Variants in KRT73 observed in about 807,000 individuals in gnomAD.
KRT73 encodes the protein keratin, type II cytoskeletal 73.
Under a neutral mutation model 47.2 loss-of-function variants are expected in KRT73, and 44 were observed. That is an observed-to-expected ratio of 0.93 (90% CI 0.73 to 1.20). The LOEUF is 1.20. Ranked by LOEUF, KRT73 falls within the 50% of genes most tolerant of loss-of-function variation. The probability of loss-of-function intolerance (pLI) is 0.00; values close to 1 mark genes in which losing one functional copy is unlikely to be tolerated. For synonymous variants in KRT73, 285 were observed against 291.3 expected (o/e 0.98, Z 0.22); for missense variants, 713 against 704.5 (o/e 1.01, Z -0.14).
intron 1 of KRT73, among the ~76,000 whole-genome samples, chr12:52,617,164 T>C (rs1940831516): frequency 6.6e-6 from 1 of 152,142 alleles, no homozygotes; most frequent in Non-Finnish European, 1.5e-5. Context: ...TCTCCCTAGA[T>C]TGCCTTTTCC....
intron 8 of KRT73, 133 bp from the exon 9 acceptor site, chr12:52,608,585 CTTGG>C: frequency 2.5e-6 from 2 of 802,270 alleles, no homozygotes; most frequent in African/African-American, 1.8e-5. Context: ...CAACCATGAA[CTTGG>C]GTTCATTTGA....
chr12:52,608,841 T>C (rs1012744556), intron 8 of KRT73, among the ~76,000 whole-genome samples: 1 of 152,224 alleles, frequency 6.6e-6, no homozygotes, highest in Non-Finnish European at 1.5e-5. Context: ...AGAAAGAGAC[T>C]GCCAAACCCT....
intron 5 of KRT73, among the ~76,000 whole-genome samples, chr12:52,612,181 A>G (rs656185): frequency 0.051 from 7,723 of 152,296 alleles, 492 homozygotes; most frequent in Admixed American, 0.16. Flanking sequence ...GCCCACAGGC[A>G]GCTTTCCAGG....
At chr12:52,620,942 T>A (rs1335599652), upstream of KRT73, among the ~76,000 whole-genome samples, 1 of 151,866 alleles carries the variant, frequency 6.6e-6, no homozygotes, top group Non-Finnish European at 1.5e-5. Flanking sequence ...AAGATCCAGG[T>A]CCTATCCTCC....
chr12:52,630,275 G>A, the KRT73 span, among the ~76,000 whole-genome samples: 1 of 152,162 alleles, frequency 6.6e-6, no homozygotes, highest in East Asian at 1.9e-4. Flanking sequence ...CTGCCACGAC[G>A]GAGTGCAGTG....
chr12:52,611,514 G>A (rs193271337), intron 5 of KRT73, 185 bp from the exon 6 acceptor site: 56 of 638,014 alleles, frequency 8.8e-5, no homozygotes, highest in Admixed American at 5.3e-4. Flanking sequence ...CTTAAGCACA[G>A]CTGATCTCAT....
At chr12:52,625,776 T>C in the KRT73 span, among the ~76,000 whole-genome samples, 1 of 152,120 alleles carries the variant, frequency 6.6e-6, no homozygotes, top group East Asian at 1.9e-4. Context: ...ATTCATGTCA[T>C]AGAGTACTAC....
chr12:52,624,313 T>G, the KRT73 span, among the ~76,000 whole-genome samples: 4 of 152,086 alleles, frequency 2.6e-5, no homozygotes, highest in Non-Finnish European at 4.4e-5. Context: ...ACAATTATAG[T>G]TAAGGACTCC....
chr12:52,625,858 TA>T, the KRT73 span, among the ~76,000 whole-genome samples: 512 of 149,546 alleles, frequency 3.4e-3, 23 homozygotes, highest in South Asian at 0.077. Flanking sequence ...TTATACTGAG[TA>T]AAAAAAAAAA....
chr12:52,616,302 T>A lies in KRT73; in HGVS notation c.526A>T (p.Lys176Ter), dbSNP rs376710040. ...TCAAGGATGGGCTCCAGGTTATTCTTGCAGTTGTTCAGGTCCAGCTGCTGT... is the reference window on the plus strand; with the variant it reads ...TCAAGGATGGGCTCCAGGTTATTCTAGCAGTTGTTCAGGTCCAGCTGCTGT... ...LLQQLDLNNC[K>*]NNLEPILEGY... Residue 176 changes from lysine (K) to a stop codon, truncating the protein, a stop_gained, in exon 2 of 9, where the codon AAG (lysine) becomes TAG (stop). Transcript: ENST00000305748. LOFTEE classifies it high-confidence loss of function. 6 of 1,614,094 alleles carry A rather than the reference T, an allele frequency of 3.7e-6. No homozygotes were observed. The highest frequency in any genetic ancestry group is 5.1e-6 in the Non-Finnish European group (6 of 1,180,048).
chr12:52,613,520 C>T (rs1940745369), intron 5 of KRT73, 168 bp downstream of exon 5: 2 of 1,328,220 alleles, frequency 1.5e-6, no homozygotes, highest in Admixed American at 2.8e-5. Context: ...AAGTGGGTGC[C>T]AAGGACAGAG....
At position 52,613,458 on chromosome 12, in the gene KRT73, C is replaced by T. The variant is rs1940743703; in HGVS notation, c.984+230G>A. ...TTCCTCAGTCTGGACTCTGTTTACACCACATTCACCTGCACTCAGCTGAGT... is the reference window on the plus strand; with the variant it reads ...TTCCTCAGTCTGGACTCTGTTTACATCACATTCACCTGCACTCAGCTGAGT... On this transcript the variant is annotated intron_variant, in intron 5 of 8. Transcript: ENST00000305748. 2.6e-5 allele frequency: 17 copies of T among 662,248 alleles called. No homozygotes were observed. In the South Asian group the frequency reaches 3.9e-4, roughly 15 times the overall value. 41.0% of individuals were successfully genotyped at this position (662,248 alleles called of 1,614,324 possible). A position where few individuals can be genotyped will look rare whatever the true frequency, so the allele number is the denominator to read the frequency against.
chr12:52,620,178 A>T (rs1940881483), upstream of KRT73, among the ~76,000 whole-genome samples: 1 of 130,144 alleles, frequency 7.7e-6, no homozygotes, highest in African/African-American at 3.0e-5. Flanking sequence ...CAATAGCATG[A>T]TCTCGGCTCA....
upstream of KRT73, among the ~76,000 whole-genome samples, chr12:52,618,713 G>A (rs1309948339): frequency 1.3e-5 from 2 of 152,218 alleles, no homozygotes; most frequent in African/African-American, 2.4e-5. Context: ...TAAATGACTT[G>A]AAAACTCCCA....
At chr12:52,615,519 G>A (rs1015491628) in intron 2 of KRT73, among the ~76,000 whole-genome samples, 180 bp from the exon 3 acceptor site, 4 of 152,200 alleles carry the variant, frequency 2.6e-5, no homozygotes, top group Non-Finnish European at 5.9e-5. Flanking sequence ...GGCCGGGTAT[G>A]AAGTAACCTC....
rs765881929 is a variant in KRT73 at position 52,614,572 on chromosome 12, G to T, written c.819+7C>A. 6.2e-7 allele frequency: 1 copy of T among 1,608,460 alleles called. No individual in the cohort carries two copies. The highest frequency in any genetic ancestry group is 8.5e-7 in the Non-Finnish European group (1 of 1,175,594). On this transcript the variant is annotated splice_region_variant and intron_variant, in intron 4 of 8. Transcript: ENST00000305748. The stretch of plus-strand genomic sequence containing the variant: ...CAGAGCCAGAGGTGGGGCAGGGGGA[G>T]CCTTACCCCCTCGTACAGACACTTG...
intron 5 of KRT73, 83 bp downstream of exon 5, chr12:52,613,605 C>T: frequency 6.3e-7 from 1 of 1,575,046 alleles, no homozygotes; most frequent in South Asian, 1.2e-5. Context: ...TATGGGCCAC[C>T]ACAGTGAGTC....
At chr12:52,623,203 A>C (rs372561616), upstream of KRT73, among the ~76,000 whole-genome samples, 50 of 152,366 alleles carry the variant, frequency 3.3e-4, no homozygotes, top group African/African-American at 1.1e-3. Flanking sequence ...GAATTCTGAA[A>C]ACTACAAATA....
rs754087950 is a variant in KRT73, at chr12:52,608,060, GAGA to G, written c.*133_*135del. On this transcript the variant is annotated 3_prime_UTR_variant, in exon 9 of 9. Coordinates refer to ENST00000305748, the MANE Select transcript of KRT73 (RefSeq NM_175068.3). ...CAAAGACTGAGGCAGAGAGGTCAAG[GAGA>G]AGGAGGAGAGGTCCACAGCAAAGCA... The G allele has an allele frequency of 1.1e-6, 1 of 885,096 alleles. No individual in the cohort carries two copies. The highest frequency in any genetic ancestry group is 1.8e-5 in the South Asian group (1 of 54,844). The allele number at this position is 885,096 out of a possible 1,614,324, so 54.8% of individuals were successfully genotyped here.
Sources: gnomAD v4.1 joint callset for allele counts (sites outside exome capture counted in the v4.1 genomes callset) on GRCh38, gnomAD v4.1.1 for gene constraint, MANE v1.5 for transcripts, NCBI Gene and HGNC (gene_info 2026-07-23, HGNC 2026-07-21) for gene names.